The following BRAF variants were observed in gnomAD, a reference collection of about 807,000 sequenced individuals.
BRAF encodes the protein B-Raf proto-oncogene, serine/threonine kinase, also known as serine/threonine-protein kinase B-raf.
Under a neutral mutation model 104.6 loss-of-function variants are expected in BRAF, and 16 were observed. That is an observed-to-expected ratio of 0.15 (90% CI 0.10 to 0.23). The LOEUF (loss-of-function observed/expected upper bound fraction) is 0.23, where lower values mean the gene tolerates loss of function less well. BRAF is among the 10% of genes least tolerant of loss of function. The probability of loss-of-function intolerance (pLI) is 1.00; values close to 1 mark genes in which losing one functional copy is unlikely to be tolerated. For synonymous variants in BRAF, 310 were observed against 341.6 expected (o/e 0.91, Z 1.02); for missense variants, 541 against 937.3 (o/e 0.58, Z 5.52).
intron 17 of BRAF, among the ~76,000 whole-genome samples, chr7:140,748,448 G>C (rs1429491140): frequency 6.6e-6 from 1 of 152,066 alleles, no homozygotes; most frequent in Non-Finnish European, 1.5e-5. Flanking sequence ...ATCTGCTCCA[G>C]TTTCTCCATT....
chr7:140,808,837 G>A, intron 4 of BRAF, 55 bp downstream of exon 4: 1 of 1,434,170 alleles, frequency 7.0e-7, no homozygotes, highest in Non-Finnish European at 9.8e-7. Context: ...AAACTTCAAA[G>A]TTTAATGTGT....
chr7:140,819,056 G>T (rs951875172), intron 3 of BRAF, among the ~76,000 whole-genome samples: 5 of 152,128 alleles, frequency 3.3e-5, no homozygotes, highest in Non-Finnish European at 7.4e-5. Flanking sequence ...TTGTGTCATA[G>T]ATCCTTGGAG....
At chr7:140,853,303 G>C (rs1039887296) in intron 1 of BRAF, among the ~76,000 whole-genome samples, 3 of 152,004 alleles carry the variant, frequency 2.0e-5, no homozygotes, top group Non-Finnish European at 4.4e-5. Context: ...CTTGAGCCTG[G>C]GAAGTTGAGG....
At chr7:140,786,634 T>C (rs937718222) in intron 9 of BRAF, among the ~76,000 whole-genome samples, 8 of 152,216 alleles carry the variant, frequency 5.3e-5, no homozygotes, top group African/African-American at 1.9e-4. Flanking sequence ...ATTTGTGTAT[T>C]TACTGACCTA....
rs756979555 is a variant in BRAF, at chr7:140,781,702, A to G, written c.1435-9T>C. The G allele has an allele frequency of 6.2e-7, 1 of 1,611,498 alleles. No individual in the cohort carries two copies. Among genetic ancestry groups the G allele is most frequent in the Admixed American group, 1.7e-5 (1 of 59,984 alleles). On this transcript the variant is annotated splice_polypyrimidine_tract_variant and intron_variant, in intron 11 of 19. Coordinates refer to ENST00000644969, the MANE Select transcript of BRAF (RefSeq NM_001374258.1). ...CGTCTACCAAGTGTTTTCTTGATAA[A>G]AACAGTAAAAAAGTCAAGTCAAGCC...
chr7:140,756,116 A>G (rs1303324841), intron 14 of BRAF, among the ~76,000 whole-genome samples: 1 of 152,108 alleles, frequency 6.6e-6, no homozygotes, highest in East Asian at 1.9e-4. Flanking sequence ...TCTGACCAGG[A>G]AAGCACTAGA....
At chr7:140,888,538 A>C (rs1813829728) in intron 1 of BRAF, among the ~76,000 whole-genome samples, 1 of 152,158 alleles carries the variant, frequency 6.6e-6, no homozygotes, top group African/African-American at 2.4e-5. Flanking sequence ...ATAATACAGG[A>C]TAAAAACAAT....
rs1586419279 is a variant in BRAF at position 140,855,020 on chromosome 7, T to C, written c.139-4808A>G. On this transcript the variant is annotated intron_variant, in intron 1 of 19. Transcript: ENST00000644969. ...AGACCATAAGTGTCTGGAAGTCAGG[T>C]TTTTTATCTCCCCAAAGAAGAGTAA... 2.0e-5 allele frequency among the ~76,000 whole-genome samples: 3 copies of C among 152,012 alleles called. No homozygotes were observed. In the South Asian group the frequency reaches 6.2e-4, roughly 32 times the overall value.
intron 1 of BRAF, among the ~76,000 whole-genome samples, chr7:140,901,426 G>C (rs1815619105): frequency 6.6e-6 from 1 of 152,180 alleles, no homozygotes; most frequent in African/African-American, 2.4e-5. Flanking sequence ...GTGGAAAAAG[G>C]AATTAAAGAA....
chr7:140,759,529 G>C (rs1798490551), intron 14 of BRAF, among the ~76,000 whole-genome samples: 1 of 152,196 alleles, frequency 6.6e-6, no homozygotes, highest in Non-Finnish European at 1.5e-5. Flanking sequence ...TGGGATTACA[G>C]GCAAGTACCA....
At position 140,733,744 on chromosome 7, in the gene BRAF, G is replaced by A. The variant is rs183918337; in HGVS notation, c.2401+873C>T. The A allele has an allele frequency of 1.1e-3, 173 of 153,876 alleles. 2 individuals carry two copies. The highest frequency in any genetic ancestry group is 4.7e-3 in the South Asian group (23 of 4,848). The allele number at this position is 153,876 out of a possible 1,614,324, so 9.5% of individuals were successfully genotyped here. ...ATTACCTGGTGTTTGGCAACCAGAGGTATCTCAAAGAAAAACACACCTAAA... is the reference window on the plus strand; with the variant it reads ...ATTACCTGGTGTTTGGCAACCAGAGATATCTCAAAGAAAAACACACCTAAA... On this transcript the variant is annotated intron_variant, in intron 19 of 19. Coordinates refer to ENST00000644969, the MANE Select transcript of BRAF (RefSeq NM_001374258.1).
intron 5 of BRAF, among the ~76,000 whole-genome samples, chr7:140,802,024 GGGGAGAGGA>G (rs781645135): frequency 3.9e-5 from 6 of 152,116 alleles, no homozygotes; most frequent in African/African-American, 7.2e-5. Context: ...AAAAATATTG[GGGGAGAGGA>G]GGGAGAGGAA....
chr7:140,841,329 G>A lies in BRAF; in HGVS notation c.241-6457C>T, dbSNP rs1807942242. 2.6e-5 allele frequency among the ~76,000 whole-genome samples: 4 copies of A among 152,146 alleles called. No homozygotes were observed. The South Asian group carries it at 8.3e-4, about 32-fold the overall frequency. ...TGCAGCAACTTTGAAAAACTGTCTGGCAGTTAGTTCCTCAAAGTGTAAAAC... is the reference window on the plus strand; with the variant it reads ...TGCAGCAACTTTGAAAAACTGTCTGACAGTTAGTTCCTCAAAGTGTAAAAC... On this transcript the variant is annotated intron_variant, in intron 2 of 19. Transcript: ENST00000644969.
intron 16 of BRAF, 35 bp downstream of exon 15, chr7:140,753,240 A>T: frequency 6.5e-7 from 1 of 1,539,352 alleles, no homozygotes; most frequent in Non-Finnish European, 9.0e-7. Flanking sequence ...CAGGGCCAAA[A>T]ATTTAATCAG....
intron 2 of BRAF, among the ~76,000 whole-genome samples, chr7:140,838,464 G>A (rs188571024): frequency 2.0e-5 from 3 of 152,150 alleles, no homozygotes; most frequent in Middle Eastern, 3.4e-3. Flanking sequence ...GCCTGGCAAC[G>A]AGAGCAAGAC....
rs1795276839 is a variant in BRAF at position 140,720,667 on chromosome 7, T to A, written c.*5827A>T. ...TCCCTATCCTAGATTTACTGCCACC[T>A]CACCCCATTTTGGTCTCTGTTCTCT... On this transcript the variant is annotated 3_prime_UTR_variant, in exon 20 of 20. Coordinates refer to ENST00000644969, the MANE Select transcript of BRAF (RefSeq NM_001374258.1). 1 of 1,065,702 alleles carries A rather than the reference T, an allele frequency of 9.4e-7. No homozygotes were observed. The highest frequency in any genetic ancestry group is 1.6e-5 in the African/African-American group (1 of 61,114). 66.0% of individuals were successfully genotyped at this position (1,065,702 alleles called of 1,614,324 possible).
intron 1 of BRAF, among the ~76,000 whole-genome samples, chr7:140,852,547 G>A (rs1809295791): frequency 6.6e-6 from 1 of 152,056 alleles, no homozygotes; most frequent in Non-Finnish European, 1.5e-5. Context: ...TTCCAGTCAG[G>A]TATTTCAATG....
intron 8 of BRAF, among the ~76,000 whole-genome samples, chr7:140,793,941 CATATCCACCTCTT>C (rs1195558218): frequency 2.6e-5 from 4 of 152,160 alleles, no homozygotes; most frequent in Non-Finnish European, 5.9e-5. Context: ...TTCTTAATTT[CATATCCACCTCTT>C]ATAGCACAAT....
At chr7:140,796,161 G>A (rs1802469568) in intron 7 of BRAF, among the ~76,000 whole-genome samples, 1 of 151,922 alleles carries the variant, frequency 6.6e-6, no homozygotes, top group Non-Finnish European at 1.5e-5. Context: ...GACCAGCCTG[G>A]CCAACATAGT....
Sources: gnomAD v4.1 joint callset for allele counts (sites outside exome capture counted in the v4.1 genomes callset) on GRCh38, gnomAD v4.1.1 for gene constraint, MANE v1.5 for transcripts, NCBI Gene and HGNC (gene_info 2026-07-23, HGNC 2026-07-21) for gene names.